The following EFNB2 variants were observed in gnomAD, a reference collection of about 807,000 sequenced individuals.
The protein encoded by EFNB2 is ephrin-B2.
Under a neutral mutation model 32.1 loss-of-function variants are expected in EFNB2, and 5 were observed. The observed-to-expected ratio is 0.16, with a 90% CI of 0.08 to 0.33. The LOEUF (loss-of-function observed/expected upper bound fraction) is 0.33. EFNB2 is among the 10% of genes least tolerant of loss of function. The pLI is 1.00. For missense variants in EFNB2, 263 were observed against 422.6 expected (o/e 0.62, Z 3.31); for synonymous variants, 168 against 166.5 (o/e 1.01, Z -0.07).
intron 1 of EFNB2, among the ~76,000 whole-genome samples, chr13:106,526,808 GTGGAAAGAGCA>G (rs894191922): frequency 2.6e-5 from 4 of 152,324 alleles, no homozygotes; most frequent in African/African-American, 9.6e-5. Context: ...AGGTAAAGGT[GTGGAAAGAGCA>G]AGGATTATAA....
At chr13:106,525,369 T>A (rs1188090994) in intron 1 of EFNB2, among the ~76,000 whole-genome samples, 2 of 152,152 alleles carry the variant, frequency 1.3e-5, no homozygotes, top group Non-Finnish European at 2.9e-5. Context: ...GCCTCACCTA[T>A]CCATGATCAT....
chr13:106,523,425 A>C (rs543100257), intron 1 of EFNB2, among the ~76,000 whole-genome samples: 1 of 152,176 alleles, frequency 6.6e-6, no homozygotes, highest in Non-Finnish European at 1.5e-5. Context: ...GTTAAATACT[A>C]TAAGTGATTC....
At chr13:106,515,596 T>C (rs1879285858) in intron 1 of EFNB2, among the ~76,000 whole-genome samples, 1 of 152,232 alleles carries the variant, frequency 6.6e-6, no homozygotes, top group Admixed American at 6.5e-5. Context: ...AAAACAATGA[T>C]TGTTCCTTTA....
intron 2 of EFNB2, among the ~76,000 whole-genome samples, chr13:106,499,269 G>A (rs1191814830): frequency 1.8e-5 from 2 of 111,854 alleles, no homozygotes; most frequent in Non-Finnish European, 4.3e-5. Flanking sequence ...CAGTGACACA[G>A]CTAAAAAAAA....
chr13:106,534,355 T>C (rs1177286176), intron 1 of EFNB2, among the ~76,000 whole-genome samples: 1 of 152,064 alleles, frequency 6.6e-6, no homozygotes, highest in Non-Finnish European at 1.5e-5. Flanking sequence ...GACTCCAGGC[T>C]CCCCTCTCCA....
chr13:106,523,698 C>T (rs1328171716), intron 1 of EFNB2, among the ~76,000 whole-genome samples: 1 of 152,184 alleles, frequency 6.6e-6, no homozygotes. Context: ...ACTTGCAGAA[C>T]ATCAAAAGCC....
Position 106,534,978 on chromosome 13 carries a change from C to T in EFNB2, c.-14G>A. The T allele has an allele frequency of 1.2e-6, 2 of 1,612,462 alleles. No individual in the cohort carries two copies. Among genetic ancestry groups the T allele is most frequent in the Non-Finnish European group, 1.7e-6 (2 of 1,179,212 alleles). ...TCTCACAGCCATGGCGAAGCCACTC[C>T]CAGCTCCGCGCACTCCGGGCCAAGA... On this transcript the variant is annotated 5_prime_UTR_variant, in exon 1 of 5. Transcript: ENST00000646441.
At chr13:106,530,375 A>T (rs1269062040) in intron 1 of EFNB2, among the ~76,000 whole-genome samples, 1 of 151,968 alleles carries the variant, frequency 6.6e-6, no homozygotes, top group Non-Finnish European at 1.5e-5. Context: ...ACAGTTGAGC[A>T]CTCCTCTTTA....
At chr13:106,499,704 C>T (rs1452357027) in intron 2 of EFNB2, among the ~76,000 whole-genome samples, 2 of 151,714 alleles carry the variant, frequency 1.3e-5, no homozygotes, top group Non-Finnish European at 2.9e-5. Flanking sequence ...TATTTTTTTT[C>T]CCTTGGCTCA....
intron 1 of EFNB2, among the ~76,000 whole-genome samples, chr13:106,530,497 T>A (rs767602342): frequency 6.6e-6 from 1 of 152,192 alleles, no homozygotes; most frequent in African/African-American, 2.4e-5. Context: ...AGGCAGAGAT[T>A]AGGCTGATAG....
At chr13:106,525,453 C>G (rs1253105150) in intron 1 of EFNB2, among the ~76,000 whole-genome samples, 1 of 152,210 alleles carries the variant, frequency 6.6e-6, no homozygotes, top group African/African-American at 2.4e-5. Context: ...CTTAGCTGTT[C>G]CTGTGAGGGA....
chr13:106,533,196 C>T (rs115833993), intron 1 of EFNB2, among the ~76,000 whole-genome samples: 1 of 151,344 alleles, frequency 6.6e-6, no homozygotes, highest in South Asian at 2.1e-4. Context: ...TGGCGCTGCG[C>T]GATTCCGCAT....
chr13:106,510,301 A>G (rs1879097958), intron 2 of EFNB2: 1 of 152,264 alleles, frequency 6.6e-6, no homozygotes, highest in South Asian at 2.1e-4. Flanking sequence ...ATAAAAAGCA[A>G]TTATTAAATG....
intron 4 of EFNB2, among the ~76,000 whole-genome samples, chr13:106,494,298 A>C (rs1878516316): frequency 6.6e-6 from 1 of 152,180 alleles, no homozygotes; most frequent in African/African-American, 2.4e-5. Flanking sequence ...ATACAGAACT[A>C]TTTGTTCCAA....
At chr13:106,501,844 G>A (rs1007501893) in intron 2 of EFNB2, among the ~76,000 whole-genome samples, 1 of 151,996 alleles carries the variant, frequency 6.6e-6, no homozygotes, top group East Asian at 1.9e-4. Context: ...CGCCCGCCTC[G>A]GCCTCCCAAA....
chr13:106,512,391 A>G (rs1190960311), intron 2 of EFNB2, 138 bp downstream of exon 2: 31 of 374,426 alleles, frequency 8.3e-5, no homozygotes, highest in African/African-American at 3.1e-4. Flanking sequence ...GAAAAAAAAA[A>G]AGGGGGGGGG....
intron 1 of EFNB2, 128 bp downstream of exon 1, chr13:106,534,715 G>A: frequency 1.8e-6 from 2 of 1,099,448 alleles, no homozygotes; most frequent in Non-Finnish European, 2.5e-6. Flanking sequence ...CGGGGGTTGG[G>A]GGTGGGGGAC....
At chr13:106,495,947 GA>G (rs1050014386) in intron 2 of EFNB2, 107 bp from the exon 3 acceptor site, 21 of 1,090,378 alleles carry the variant, frequency 1.9e-5, no homozygotes, top group Middle Eastern at 4.8e-4. Flanking sequence ...TGAAAAATAA[GA>G]ATTCACTCTT....
intron 1 of EFNB2, 60 bp from the exon 2 acceptor site, chr13:106,512,872 T>TA (rs1218865458): frequency 1.4e-6 from 2 of 1,413,392 alleles, no homozygotes; most frequent in African/African-American, 2.8e-5. Flanking sequence ...TTAATGACAG[T>TA]TACAAGATAG....
Sources: allele counts gnomAD v4.1 joint callset (sites outside exome capture counted in the v4.1 genomes callset), GRCh38; gene constraint gnomAD v4.1.1; transcripts MANE v1.5; gene names NCBI Gene and HGNC (gene_info 2026-07-23, HGNC 2026-07-21).